ZMYM6: variants seen among roughly 807,000 people sequenced by gnomAD.
ZMYM6 encodes the protein zinc finger MYM-type protein 6.
A neutral mutation model predicts 134.0 loss-of-function variants in ZMYM6; 90 were observed. That is an observed-to-expected ratio of 0.67 (90% CI 0.57 to 0.80). The LOEUF is 0.80. Ranked by LOEUF, ZMYM6 falls within the 30% of genes least tolerant of loss-of-function variation. The pLI is 0.00. For synonymous variants in ZMYM6, 481 were observed against 524.1 expected, an observed-to-expected ratio of 0.92 and a Z score of 1.12; for missense variants, 1,362 against 1,533.9, an observed-to-expected ratio of 0.89 and a Z score of 1.87.
At chr1:35,021,889 C>A (rs911744068) in intron 2 of ZMYM6, among the ~76,000 whole-genome samples, 8 of 152,020 alleles carry the variant, frequency 5.3e-5, no homozygotes, top group African/African-American at 1.9e-4. Flanking sequence ...TTGCAACCAT[C>A]CTTTTTTTTA....
chr1:34,989,007 T>C (rs752920571), intron 15 of ZMYM6, 72 bp from the exon 16 acceptor site: 196 of 1,534,258 alleles, frequency 1.3e-4, no homozygotes, highest in Non-Finnish European at 1.4e-4. Flanking sequence ...TCTCCCCACA[T>C]ATTTAAAATT....
chr1:34,997,704 G>A (rs373729510), intron 14 of ZMYM6, among the ~76,000 whole-genome samples: 1 of 152,102 alleles, frequency 6.6e-6, no homozygotes, highest in Non-Finnish European at 1.5e-5. Context: ...TTGAAATATG[G>A]TTGAATTTCC....
chr1:35,030,507 G>A, intron 2 of ZMYM6, 40 bp downstream of exon 2: 3 of 1,571,208 alleles, frequency 1.9e-6, no homozygotes, highest in Non-Finnish European at 2.6e-6. Context: ...TGGAAAAGAA[G>A]GAATTTTTTT....
rs202121100 is a variant in ZMYM6, at chr1:35,000,651, GT to G, written c.1992+3316del. ...AAACATTACTATAATCAACAGGAAT[GT>G]ACCAAACCTACTCAGTATCAACATG... On this transcript the variant is annotated intron_variant, in intron 14 of 15. Transcript: ENST00000357182. Among the ~76,000 whole-genome samples, 194 of 152,190 alleles carry G rather than the reference GT, an allele frequency of 1.3e-3. 2 individuals carry two copies. In the East Asian group the frequency reaches 0.022, roughly 17 times the overall value.
chr1:35,011,359 G>A (rs986510410), intron 8 of ZMYM6, among the ~76,000 whole-genome samples: 5 of 151,846 alleles, frequency 3.3e-5, no homozygotes, highest in Admixed American at 6.6e-5. Context: ...TGGCTACTAC[G>A]ACACAATAGC....
intron 10 of ZMYM6, 105 bp downstream of exon 10, chr1:35,010,341 AC>A: frequency 1.4e-6 from 2 of 1,418,704 alleles, no homozygotes; most frequent in Non-Finnish European, 1.9e-6. Context: ...TTCTAATTAC[AC>A]CTTGTAAGAC....
At chr1:35,029,306 C>A (rs1489215794) in intron 2 of ZMYM6, among the ~76,000 whole-genome samples, 1 of 152,140 alleles carries the variant, frequency 6.6e-6, no homozygotes, top group African/African-American at 2.4e-5. Context: ...CATAGAGAAG[C>A]AGAATAGCAC....
At chr1:35,008,295 T>C (rs1453396617) in intron 11 of ZMYM6, among the ~76,000 whole-genome samples, 2 of 152,222 alleles carry the variant, frequency 1.3e-5, no homozygotes, top group Non-Finnish European at 2.9e-5. Context: ...AGACATGTAT[T>C]AGTGGTTCAA....
intron 6 of ZMYM6, chr1:35,013,200 C>T: frequency 1.4e-6 from 1 of 705,282 alleles, no homozygotes; most frequent in Non-Finnish European, 1.7e-6. Flanking sequence ...TATAGTGTAT[C>T]ACAGAAACCT....
intron 15 of ZMYM6, among the ~76,000 whole-genome samples, chr1:34,991,825 T>C (rs1379966893): frequency 6.6e-6 from 1 of 152,126 alleles, no homozygotes; most frequent in Non-Finnish European, 1.5e-5. Context: ...CACAGTAGAC[T>C]ATTAAAGCAA....
At chr1:35,013,727 T>C (rs1454055447) in intron 6 of ZMYM6, 1 of 961,508 alleles carries the variant, frequency 1.0e-6, no homozygotes, top group East Asian at 1.1e-4. Flanking sequence ...AGTCTTGCTC[T>C]GTCACCCAGG....
intron 6 of ZMYM6, among the ~76,000 whole-genome samples, 169 bp downstream of exon 6, chr1:35,014,528 C>G (rs1641147174): frequency 6.6e-6 from 1 of 152,202 alleles, no homozygotes; most frequent in Non-Finnish European, 1.5e-5. Flanking sequence ...TATCAACTTA[C>G]CACCACAATC....
chr1:35,017,214 TATAC>T (rs1329322086), intron 4 of ZMYM6: 1 of 152,186 alleles, frequency 6.6e-6, no homozygotes, highest in Non-Finnish European at 1.5e-5. Context: ...GCACCTTTAT[TATAC>T]AGGTATATTC....
chr1:35,004,179 G>A (rs1302590621), intron 13 of ZMYM6, among the ~76,000 whole-genome samples, 174 bp from the exon 14 acceptor site: 5 of 152,136 alleles, frequency 3.3e-5, no homozygotes, highest in Non-Finnish European at 5.9e-5. Flanking sequence ...TAACGGTAAG[G>A]ATTCCAGGGC....
At chr1:34,997,556 C>T (rs1018670013) in intron 14 of ZMYM6, among the ~76,000 whole-genome samples, 4 of 152,114 alleles carry the variant, frequency 2.6e-5, no homozygotes, top group South Asian at 2.1e-4. Context: ...TTGCCCACCT[C>T]GGCCTCCCAA....
In ZMYM6 at chr1:34,992,293, A is replaced by T; in HGVS notation, c.2087T>A (p.Val696Asp). 7 of 1,614,122 alleles carry T rather than the reference A, an allele frequency of 4.3e-6. No homozygotes were observed. The highest frequency in any genetic ancestry group is 5.9e-6 in the Non-Finnish European group (7 of 1,179,972). Reference protein sequence around the residue: ...LKNKGISCKPVTQTKATSCKP... With the variant: ...LKNKGISCKPDTQTKATSCKP... ...GCAAGAAGTGGCCTTGGTCTGTGTG[A>T]CGGGTTTGCATGATATGCCTTTGTT... The change falls in exon 15 of 16, where the codon GTC becomes GAC. Residue 696 changes from valine to aspartate, a missense_variant. By Grantham distance (152) the Val-to-Asp change is radical. Coordinates refer to ENST00000357182, the MANE Select transcript of ZMYM6 (RefSeq NM_007167.4).
At position 35,012,504 on chromosome 1, in the gene ZMYM6, A is replaced by G; in HGVS notation, c.873T>C (p.Asp291=). ...PSAEMIETTN[D]SGKTELFCSI... is the part of the protein sequence containing the mutation. Reference sequence around the variant, plus strand: ...AGCAGAAAAGCTCTGTTTTTCCTGAATCATTTGTAGTCTCAATCATTTCAG... The same window carrying G: ...AGCAGAAAAGCTCTGTTTTTCCTGAGTCATTTGTAGTCTCAATCATTTCAG... The change falls in exon 7 of 16, where the codon GAT becomes GAC. Residue 291 remains aspartate (D), a synonymous_variant. Coordinates refer to ENST00000357182, the MANE Select transcript of ZMYM6 (RefSeq NM_007167.4). 6.2e-7 allele frequency: 1 copy of G among 1,613,234 alleles called. No homozygotes were observed. Among genetic ancestry groups the G allele is most frequent in the Non-Finnish European group, 8.5e-7 (1 of 1,179,652 alleles).
chr1:35,022,475 G>A (rs1378519338), intron 2 of ZMYM6, among the ~76,000 whole-genome samples: 1 of 152,064 alleles, frequency 6.6e-6, no homozygotes, highest in Non-Finnish European at 1.5e-5. Flanking sequence ...TGTTGGTCAG[G>A]CTGGTCTTGA....
intron 2 of ZMYM6, among the ~76,000 whole-genome samples, chr1:35,022,847 C>A (rs557649328): frequency 6.6e-6 from 1 of 152,102 alleles, no homozygotes; most frequent in Non-Finnish European, 1.5e-5. Flanking sequence ...CCCTGTATAC[C>A]CAATCGCCCA....
Sources: gnomAD v4.1 joint callset for allele counts (sites outside exome capture counted in the v4.1 genomes callset) on GRCh38, gnomAD v4.1.1 for gene constraint, MANE v1.5 for transcripts, NCBI Gene and HGNC (gene_info 2026-07-23, HGNC 2026-07-21) for gene names.